Variants in IRAG2 observed in about 807,000 individuals in gnomAD.
The protein encoded by IRAG2 is lymphoid restricted membrane protein.
In IRAG2, 45 loss-of-function variants were observed where a neutral mutation model predicts 69.9. The ratio of observed to expected loss-of-function variants is 0.64; its 90% confidence interval spans 0.51 to 0.83. The LOEUF (loss-of-function observed/expected upper bound fraction) is 0.83. IRAG2 is among the 40% of genes least tolerant of loss of function. The pLI, the probability that IRAG2 is intolerant of heterozygous loss-of-function variation, is 0.00. For missense variants in IRAG2, 520 were observed against 587.0 expected (o/e 0.89, Z 1.18); for synonymous variants, 193 against 202.4 (o/e 0.95, Z 0.40).
At chr12:25,012,409 C>T (rs921132404) in intron 3 of IRAG2, among the ~76,000 whole-genome samples, 1 of 151,872 alleles carries the variant, frequency 6.6e-6, no homozygotes, top group Non-Finnish European at 1.5e-5. Context: ...CCCACCTCGG[C>T]CTCCCAAAGT....
At chr12:24,999,283 G>A in the IRAG2 span, among the ~76,000 whole-genome samples, 3 of 152,172 alleles carry the variant, frequency 2.0e-5, no homozygotes, top group South Asian at 2.1e-4. Flanking sequence ...AATATATAAC[G>A]AATAACTTTA....
intron 6 of IRAG2, among the ~76,000 whole-genome samples, chr12:25,075,337 T>C (rs1331012200): frequency 1.5e-4 from 23 of 152,178 alleles, no homozygotes; most frequent in Admixed American, 1.5e-3. Flanking sequence ...AAACATTACA[T>C]TGGAACCATA....
At chr12:25,003,801 A>G (rs1944410553), upstream of IRAG2, among the ~76,000 whole-genome samples, 1 of 152,210 alleles carries the variant, frequency 6.6e-6, no homozygotes, top group Non-Finnish European at 1.5e-5. Context: ...AAAACACCTA[A>G]TATGGGGCAT....
intron 7 of IRAG2, among the ~76,000 whole-genome samples, chr12:25,022,955 G>A (rs1341938584): frequency 6.6e-6 from 1 of 152,088 alleles, no homozygotes; most frequent in East Asian, 1.9e-4. Flanking sequence ...GTGAAACCCT[G>A]TCTCTACTAA....
chr12:25,073,077 G>C (rs1407640751), intron 6 of IRAG2, among the ~76,000 whole-genome samples: 1 of 152,168 alleles, frequency 6.6e-6, no homozygotes, highest in Admixed American at 6.5e-5. Context: ...GTTGGCCTCT[G>C]TGTGAGTCTG....
At chr12:25,024,049 T>A in intron 8 of IRAG2, 1 of 439,928 alleles carries the variant, frequency 2.3e-6, no homozygotes, top group Non-Finnish European at 3.8e-6. Flanking sequence ...GGTTGACTTG[T>A]CAAATTACAA....
intron 10 of IRAG2, among the ~76,000 whole-genome samples, chr12:25,085,151 T>C (rs531478304): frequency 9.8e-4 from 149 of 152,378 alleles, no homozygotes; most frequent in African/African-American, 3.5e-3. Flanking sequence ...ATTAGCTCAA[T>C]GGACCCTCAG....
intron 1 of IRAG2, chr12:25,005,008 T>A: frequency 1.2e-6 from 1 of 829,276 alleles, no homozygotes; most frequent in Non-Finnish European, 1.6e-6. Flanking sequence ...TCTACATTAT[T>A]AAAGTTTGGA....
rs137857817 is a variant in IRAG2, at chr12:25,089,917, C to A, written c.465+127C>A. On this transcript the variant is annotated intron_variant, in intron 13 of 21. Transcript: ENST00000556887. ...TGTTTGGCTTGGCTGTGACTCAGTG[C>A]AGGTGAACCCTGTGCATGTCAGCAT... The A allele has an allele frequency of 5.5e-6, 7 of 1,273,306 alleles. No homozygotes were observed. The East Asian group carries it at 1.2e-4, about 21-fold the overall frequency. The allele number at this position is 1,273,306 out of a possible 1,614,324, so 78.9% of individuals were successfully genotyped here. A position where few individuals can be genotyped will look rare whatever the true frequency, so the allele number is the denominator to read the frequency against.
intron 6 of IRAG2, among the ~76,000 whole-genome samples, chr12:25,073,277 G>T (rs1269610283): frequency 2.0e-5 from 3 of 152,160 alleles, no homozygotes; most frequent in Non-Finnish European, 2.9e-5. Flanking sequence ...TAAAATTGCT[G>T]GACAGTACCT....
chr12:25,082,869 G>A lies in IRAG2; in HGVS notation c.245-554G>A, dbSNP rs995598669. On this transcript the variant is annotated intron_variant, in intron 9 of 21. Coordinates refer to ENST00000556887, the MANE Select transcript of IRAG2 (RefSeq NM_001366544.2). The stretch of plus-strand genomic sequence containing the variant: ...TGAGTAAACAGGAGAATAATTATCC[G>A]GTACATTTCAGTACAAATAAAGTAC... Among the ~76,000 whole-genome samples the A allele has an allele frequency of 6.6e-5, 10 of 151,810 alleles. No homozygotes were observed. In the East Asian group the frequency reaches 1.3e-3, roughly 20 times the overall value.
At chr12:25,048,939 T>A (rs945382589), upstream of IRAG2, among the ~76,000 whole-genome samples, 37 of 152,226 alleles carry the variant, frequency 2.4e-4, no homozygotes, top group African/African-American at 8.4e-4. Flanking sequence ...AATTTTTGTA[T>A]AAGGATTGAG....
At position 25,046,619 on chromosome 12, in the gene IRAG2, T is replaced by G. The variant is rs184459542; in HGVS notation, c.2145-5616T>G. Among the ~76,000 whole-genome samples the G allele has an allele frequency of 3.9e-4, 60 of 152,040 alleles. 1 individual carries two copies. The East Asian group carries it at 0.011, about 27-fold the overall frequency. On this transcript the variant is annotated intron_variant, in intron 16 of 38. Transcript: ENST00000636465. ...TCAAAAAGAATACTTTGAAATAAAT[T>G]TAAAGAGGTAAAAAACATATAATAA... is the stretch of plus-strand genomic sequence containing the variant.
intron 5 of IRAG2, among the ~76,000 whole-genome samples, chr12:25,068,797 A>T (rs2140020088): frequency 6.6e-6 from 1 of 152,232 alleles, no homozygotes; most frequent in Admixed American, 6.5e-5. Context: ...TTCCCCTAGC[A>T]CCTCTGTCTA....
At chr12:25,063,641 CT>C in intron 3 of IRAG2, 78 bp from the exon 4 acceptor site, 1 of 398,178 alleles carries the variant, frequency 2.5e-6, no homozygotes, top group East Asian at 3.6e-5. Context: ...TTCTTTCCAC[CT>C]TTGAAATGGA....
rs752171435 is a variant in IRAG2 at position 25,083,439 on chromosome 12, T to C, written c.261T>C (p.His87=). The change falls in exon 10 of 22, where the codon CAT becomes CAC. Residue 87 remains histidine, a synonymous_variant. Coordinates refer to ENST00000556887, the MANE Select transcript of IRAG2 (RefSeq NM_001366544.2). ...TIEAQGTSPA[H]DNIAFQDSTS... ...TTCTCACAGGCACAAGTCCAGCTCA[T>C]GATAATATTGCATTCCAAGACTCTA... is the stretch of plus-strand genomic sequence containing the variant. 6.8e-6 allele frequency: 11 copies of C among 1,611,792 alleles called. No individual in the cohort carries two copies. The East Asian group carries it at 2.2e-4, about 33-fold the overall frequency.
intron 15 of IRAG2, among the ~76,000 whole-genome samples, chr12:25,098,199 G>A (rs1309785271): frequency 6.6e-6 from 1 of 152,146 alleles, no homozygotes; most frequent in African/African-American, 2.4e-5. Context: ...CTGCATAGCT[G>A]GAAAATGTCA....
In IRAG2 at chr12:25,079,302, T is replaced by C; in HGVS notation, c.71+12T>C. 6.2e-7 allele frequency: 1 copy of C among 1,613,838 alleles called. No individual in the cohort carries two copies. The highest frequency in any genetic ancestry group is 8.5e-7 in the Non-Finnish European group (1 of 1,179,714). The stretch of plus-strand genomic sequence containing the variant: ...CTGCTGCAGTCCAGGTTTGCTTGTT[T>C]GTGTTGTGTGTGTGAATTTGTATGC... On this transcript the variant is annotated intron_variant, in intron 7 of 21. Coordinates refer to ENST00000556887, the MANE Select transcript of IRAG2 (RefSeq NM_001366544.2).
chr12:25,048,875 C>G (rs1025519566), upstream of IRAG2, among the ~76,000 whole-genome samples: 1 of 152,086 alleles, frequency 6.6e-6, no homozygotes, highest in African/African-American at 2.4e-5. Flanking sequence ...GGATTTTCTT[C>G]CAGGGTTTTT....
Sources: gnomAD v4.1 joint callset for allele counts (sites outside exome capture counted in the v4.1 genomes callset) on GRCh38, gnomAD v4.1.1 for gene constraint, MANE v1.5 for transcripts, NCBI Gene and HGNC (gene_info 2026-07-23, HGNC 2026-07-21) for gene names.